The following NCKAP5 variants were observed in gnomAD, a reference collection of about 807,000 sequenced individuals.
The protein encoded by NCKAP5 is NCK associated protein 5, also known as nck-associated protein 5.
A neutral mutation model predicts 167.0 loss-of-function variants in NCKAP5; 92 were observed. That is an observed-to-expected ratio of 0.55 (90% CI 0.47 to 0.66). The LOEUF is 0.66. Among genes scored for constraint, NCKAP5 ranks in the 30% least tolerant of loss-of-function variants. The pLI, the probability that NCKAP5 is intolerant of heterozygous loss-of-function variation, is 0.00. For synonymous variants in NCKAP5, 891 were observed against 877.4 expected, an observed-to-expected ratio of 1.02 and a Z score of -0.27; for missense variants, 2,378 against 2,315.0, an observed-to-expected ratio of 1.03 and a Z score of -0.56.
chr2:133,262,896 A>G (rs1047553367), intron 4 of NCKAP5, among the ~76,000 whole-genome samples: 70 of 152,210 alleles, frequency 4.6e-4, no homozygotes, highest in African/African-American at 1.7e-3. Flanking sequence ...TTAGGGGGTT[A>G]CAAAGAAGAC....
intron 4 of NCKAP5, among the ~76,000 whole-genome samples, chr2:133,273,120 TGCCAA>T (rs2089587864): frequency 6.6e-6 from 1 of 152,178 alleles, no homozygotes; most frequent in Non-Finnish European, 1.5e-5. Flanking sequence ...TTTGAGGAAC[TGCCAA>T]GCTAGTTTCC....
rs534408049 is a variant in NCKAP5, at chr2:132,702,550, A to G, written c.5713+23077T>C. Among the ~76,000 whole-genome samples, 5 of 152,308 alleles carry G rather than the reference A, an allele frequency of 3.3e-5. No homozygotes were observed. The South Asian group carries it at 1.0e-3, about 32-fold the overall frequency. ...ACTTATTGTATGTTTAATTATTTCT[A>G]AACTCCAGTTTGGACTTAGAATCCA... On this transcript the variant is annotated intron_variant, in intron 19 of 19. Coordinates refer to ENST00000409261, the MANE Select transcript of NCKAP5 (RefSeq NM_207363.3).
At chr2:133,577,590 A>G in the NCKAP5 span, among the ~76,000 whole-genome samples, 12 of 152,048 alleles carry the variant, frequency 7.9e-5, no homozygotes, top group African/African-American at 2.9e-4. Context: ...CATTGTACAC[A>G]TGTGCCATGT....
intron 3 of NCKAP5, among the ~76,000 whole-genome samples, chr2:133,446,074 G>A (rs989789904): frequency 1.6e-4 from 24 of 152,230 alleles, no homozygotes; most frequent in African/African-American, 5.8e-4. Flanking sequence ...GAGAGGAGGT[G>A]AGAACCAAAC....
chr2:132,849,840 C>T (rs1295423009), intron 11 of NCKAP5, among the ~76,000 whole-genome samples: 3 of 152,140 alleles, frequency 2.0e-5, no homozygotes, highest in African/African-American at 7.2e-5. Context: ...CAAAGCTGCT[C>T]GTTAGACTGA....
intron 8 of NCKAP5, among the ~76,000 whole-genome samples, chr2:132,920,717 A>G (rs1695278826): frequency 1.0e-5 from 1 of 95,698 alleles, no homozygotes; most frequent in Non-Finnish European, 1.9e-5. Flanking sequence ...ATGTATATAT[A>G]TGTATATATA....
At chr2:133,352,267 A>G (rs547989768) in intron 3 of NCKAP5, among the ~76,000 whole-genome samples, 69 of 152,266 alleles carry the variant, frequency 4.5e-4, no homozygotes, top group Non-Finnish European at 8.7e-4. Context: ...CAACTCCCTG[A>G]CTAGAATGGA....
At chr2:133,286,994 T>C (rs1475351017) in intron 4 of NCKAP5, among the ~76,000 whole-genome samples, 1 of 152,194 alleles carries the variant, frequency 6.6e-6, no homozygotes, top group Non-Finnish European at 1.5e-5. Flanking sequence ...CATCCCATAC[T>C]ATATCTGAAA....
At chr2:133,613,696 C>A in the NCKAP5 span, among the ~76,000 whole-genome samples, 1 of 152,192 alleles carries the variant, frequency 6.6e-6, no homozygotes, top group South Asian at 2.1e-4. Flanking sequence ...CCTCTGCCCA[C>A]ATGCGGACTG....
At chr2:133,591,980 G>T in the NCKAP5 span, among the ~76,000 whole-genome samples, 9 of 152,130 alleles carry the variant, frequency 5.9e-5, no homozygotes, top group Non-Finnish European at 1.3e-4. Context: ...AGTACCTCTT[G>T]TATGTCCTTC....
At chr2:133,159,175 C>A (rs548148779) in intron 5 of NCKAP5, among the ~76,000 whole-genome samples, 1 of 152,098 alleles carries the variant, frequency 6.6e-6, no homozygotes, top group African/African-American at 2.4e-5. Flanking sequence ...GGACTCAGTG[C>A]GCCCAGTGCT....
rs149598917 is a variant in NCKAP5, at chr2:132,991,687, A to T, written c.429+2465T>A. 9.8e-5 allele frequency among the ~76,000 whole-genome samples: 15 copies of T among 152,300 alleles called. No individual in the cohort carries two copies. In the East Asian group the frequency reaches 1.5e-3, roughly 16 times the overall value. On this transcript the variant is annotated intron_variant, in intron 7 of 19. Coordinates refer to ENST00000409261, the MANE Select transcript of NCKAP5 (RefSeq NM_207363.3). ...AACACTGCTACCGCAGTGGAAAATG[A>T]AAGTAACTCCAGCTTTCCCAGGGGC...
rs760357837 is a variant in NCKAP5, at chr2:132,728,798, C to T, written c.5580+18G>A. On this transcript the variant is annotated intron_variant, in intron 18 of 19. Transcript: ENST00000409261. ...ACCAACAGGTGGATTGCACCCTTCA[C>T]CTCCCCCGACCCCTCACCTGGGTCC... 1 of 1,613,002 alleles carries T rather than the reference C, an allele frequency of 6.2e-7. No homozygotes were observed. Among genetic ancestry groups the T allele is most frequent in the South Asian group, 1.1e-5 (1 of 90,970 alleles).
At chr2:133,622,684 C>T in the NCKAP5 span, among the ~76,000 whole-genome samples, 24 of 152,262 alleles carry the variant, frequency 1.6e-4, no homozygotes, top group Admixed American at 3.3e-4. Flanking sequence ...AAAACACACT[C>T]CATGCTCATG....
chr2:132,706,823 A>G (rs907875824), intron 19 of NCKAP5, among the ~76,000 whole-genome samples: 2 of 152,186 alleles, frequency 1.3e-5, no homozygotes, highest in African/African-American at 4.8e-5. Flanking sequence ...GAGCTTGCAC[A>G]AAAATGTAAA....
At chr2:133,193,494 C>A (rs528377434) in intron 5 of NCKAP5, among the ~76,000 whole-genome samples, 1 of 152,194 alleles carries the variant, frequency 6.6e-6, no homozygotes, top group South Asian at 2.1e-4. Flanking sequence ...TGTTAACCAG[C>A]TAGAGAAATT....
At chr2:133,630,267 C>T in the NCKAP5 span, among the ~76,000 whole-genome samples, 1 of 151,962 alleles carries the variant, frequency 6.6e-6, no homozygotes, top group African/African-American at 2.4e-5. Flanking sequence ...TCTATAGAGA[C>T]AGAAAGTAGA....
chr2:133,009,127 T>C (rs1164993382), intron 6 of NCKAP5, among the ~76,000 whole-genome samples: 2 of 152,196 alleles, frequency 1.3e-5, no homozygotes, highest in Non-Finnish European at 2.9e-5. Flanking sequence ...ACTTGAGACC[T>C]AGTAAATCCA....
intron 6 of NCKAP5, among the ~76,000 whole-genome samples, chr2:133,068,230 A>G (rs888213938): frequency 1.6e-4 from 24 of 152,170 alleles, no homozygotes; most frequent in African/African-American, 5.5e-4. Flanking sequence ...TGGGCACACA[A>G]GTGTCCAGGG....
Sources: allele counts gnomAD v4.1 joint callset (sites outside exome capture counted in the v4.1 genomes callset), GRCh38; gene constraint gnomAD v4.1.1; transcripts MANE v1.5; gene names NCBI Gene and HGNC (gene_info 2026-07-23, HGNC 2026-07-21).